GBP6: variants seen among roughly 807,000 people sequenced by gnomAD.
The protein encoded by GBP6 is guanylate binding protein family member 6.
A neutral mutation model predicts 61.5 loss-of-function variants in GBP6; 54 were observed. The observed-to-expected ratio is 0.88, with a 90% CI of 0.71 to 1.10. GBP6 has a LOEUF of 1.10. Ranked by LOEUF, GBP6 falls within the 50% of genes least tolerant of loss-of-function variation. GBP6 has a pLI of 0.00. For synonymous variants in GBP6, 255 were observed against 273.7 expected (o/e 0.93, Z 0.67); for missense variants, 748 against 752.8 (o/e 0.99, Z 0.07).
intron 3 of GBP6, among the ~76,000 whole-genome samples, chr1:89,371,878 C>T (rs1652654224): frequency 6.6e-6 from 1 of 152,190 alleles, no homozygotes; most frequent in South Asian, 2.1e-4. Flanking sequence ...CAAATTGTCC[C>T]TGTTTGCAGA....
intron 1 of GBP6, among the ~76,000 whole-genome samples, chr1:89,366,394 G>T (rs933769258): frequency 1.3e-5 from 2 of 152,132 alleles, no homozygotes; most frequent in Admixed American, 6.5e-5. Context: ...AAGATAGCCT[G>T]TATTCTCTAG....
rs528480686 is a variant in GBP6, at chr1:89,385,611, G to A, written c.*142G>A. ...TACAGTGGTGCAATCTCAGCTCACT[G>A]CAACCTCTGCCTCCTGGGTTCAAGA... On this transcript the variant is annotated 3_prime_UTR_variant, in exon 11 of 11. Transcript: ENST00000370456. 1.4e-6 allele frequency: 1 copy of A among 728,660 alleles called. No individual in the cohort carries two copies. The highest frequency in any genetic ancestry group is 1.8e-5 in the African/African-American group (1 of 54,688). The allele number at this position is 728,660 out of a possible 1,614,324, so 45.1% of individuals were successfully genotyped here.
In GBP6 at chr1:89,385,933, T is replaced by C. The variant is rs1296800078; in HGVS notation, c.*464T>C. 1 of 152,764 alleles carries C rather than the reference T, an allele frequency of 6.5e-6. No individual in the cohort carries two copies. Among genetic ancestry groups the C allele is most frequent in the East Asian group, 1.9e-4 (1 of 5,202 alleles). 9.5% of individuals were successfully genotyped at this position (152,764 alleles called of 1,614,324 possible). ...TCCATACACACTTTGAAAAACTTTG[T>C]TCACTTTTAGGAAATATAATTTTGA... On this transcript the variant is annotated 3_prime_UTR_variant, in exon 11 of 11. Transcript: ENST00000370456.
rs1370040162 is a variant in GBP6, at chr1:89,378,586, C to G, written c.598C>G (p.Leu200Val). The G allele has an allele frequency of 1.9e-6, 3 of 1,613,222 alleles. No homozygotes were observed. Among genetic ancestry groups the G allele is most frequent in the Non-Finnish European group, 2.5e-6 (3 of 1,179,472 alleles). ...NGHPITEDEY[L>V]ENALKLIQGN... ...TCACCCTATCACAGAAGATGAATAC[C>G]TGGAGAATGCCTTGAAGCTGATTCA... Residue 200 changes from leucine (L) to valine (V), a missense_variant, in exon 5 of 11, where the codon CTG (leucine) becomes GTG (valine). Physicochemically the swap from Leu to Val is conservative, Grantham distance 32. Transcript: ENST00000370456.
chr1:89,387,377 G>T lies in GBP6; in HGVS notation c.*1908G>T, dbSNP rs1653171643. 6.6e-6 allele frequency among the ~76,000 whole-genome samples: 1 copy of T among 152,140 alleles called. No homozygotes were observed. The highest frequency in any genetic ancestry group is 6.5e-5 in the Admixed American group (1 of 15,280). On this transcript the variant is annotated 3_prime_UTR_variant, in exon 11 of 11. Transcript: ENST00000370456. Reference sequence around the variant, plus strand: ...CCTCCAGGTTGTAATTATAGTCTTGGCACACATGAACTTATTGCAATATAG... The same window carrying T: ...CCTCCAGGTTGTAATTATAGTCTTGTCACACATGAACTTATTGCAATATAG...
chr1:89,384,176 G>A lies in GBP6; in HGVS notation c.1552G>A (p.Ala518Thr). The A allele has an allele frequency of 1.9e-6, 3 of 1,614,006 alleles. No homozygotes were observed. Among genetic ancestry groups the A allele is most frequent in the Non-Finnish European group, 2.5e-6 (3 of 1,179,908 alleles). ...ACAGGAGCAGCAGCAACAGATGGAGGCTCAAGATAAGAGTCGCAAGGAAAA... is the reference window on the plus strand; with the variant it reads ...ACAGGAGCAGCAGCAACAGATGGAGACTCAAGATAAGAGTCGCAAGGAAAA... Reference protein sequence around the residue: ...KLQEQQQQMEAQDKSRKENIA... With the variant: ...KLQEQQQQMETQDKSRKENIA... The change falls in exon 10 of 11, where the codon GCT (alanine) becomes ACT (threonine). Residue 518 changes from alanine to threonine, a missense_variant. Transcript: ENST00000370456.
chr1:89,368,104 A>G (rs1652514308), intron 1 of GBP6, among the ~76,000 whole-genome samples: 1 of 152,108 alleles, frequency 6.6e-6, no homozygotes, highest in Non-Finnish European at 1.5e-5. Context: ...ATTTTAATCA[A>G]TTGTCCAGGT....
Position 89,369,534 on chromosome 1 carries a change from T to G in GBP6, c.191-12T>G. 6.2e-7 allele frequency: 1 copy of G among 1,612,192 alleles called. No individual in the cohort carries two copies. The highest frequency in any genetic ancestry group is 1.1e-5 in the South Asian group (1 of 90,854). ...GCTGTCCCTGTGCTTAGCTTCCTCCTCTTCCCTGCAGGCTTCCCTCTGGGC... is the reference window on the plus strand; with the variant it reads ...GCTGTCCCTGTGCTTAGCTTCCTCCGCTTCCCTGCAGGCTTCCCTCTGGGC... On this transcript the variant is annotated splice_polypyrimidine_tract_variant and intron_variant, in intron 2 of 10. Transcript: ENST00000370456.
chr1:89,373,457 C>T (rs550681762), intron 3 of GBP6, among the ~76,000 whole-genome samples: 1 of 152,278 alleles, frequency 6.6e-6, no homozygotes, highest in South Asian at 2.1e-4. Context: ...AAATGTGGCA[C>T]ATATACACCA....
chr1:89,368,380 A>G (rs759830520), intron 1 of GBP6, 149 bp from the exon 2 acceptor site: 35 of 560,730 alleles, frequency 6.2e-5, no homozygotes, highest in Non-Finnish European at 1.0e-4. Flanking sequence ...CAGACTTGGG[A>G]GAGTGATAAA....
intron 3 of GBP6, among the ~76,000 whole-genome samples, chr1:89,373,721 G>A (rs1370018070): frequency 6.6e-6 from 1 of 152,016 alleles, no homozygotes; most frequent in East Asian, 1.9e-4. Flanking sequence ...TGTAAATGAT[G>A]AGTTAATGGG....
chr1:89,368,404 A>C (rs1557536248), intron 1 of GBP6, 125 bp from the exon 2 acceptor site: 1 of 609,842 alleles, frequency 1.6e-6, no homozygotes, highest in East Asian at 2.7e-5. Context: ...AGCCTTGTGC[A>C]GTCAGCTAAT....
intron 1 of GBP6, among the ~76,000 whole-genome samples, chr1:89,365,249 G>C (rs577210359): frequency 2.9e-4 from 44 of 152,280 alleles, no homozygotes; most frequent in African/African-American, 1.0e-3. Flanking sequence ...GAAGTTAAAA[G>C]GTCTGTGGTT....
chr1:89,367,368 GT>G (rs1488774080), intron 1 of GBP6, among the ~76,000 whole-genome samples: 1 of 152,102 alleles, frequency 6.6e-6, no homozygotes, highest in Non-Finnish European at 1.5e-5. Context: ...GTCCTAATGG[GT>G]GGGTCTAACA....
At chr1:89,364,915 A>C (rs986144297) in intron 1 of GBP6, among the ~76,000 whole-genome samples, 1 of 151,676 alleles carries the variant, frequency 6.6e-6, no homozygotes. Context: ...CCCCGCATGC[A>C]TTAGGTATTT....
At chr1:89,371,648 T>C (rs1417514385) in intron 3 of GBP6, among the ~76,000 whole-genome samples, 1 of 152,216 alleles carries the variant, frequency 6.6e-6, no homozygotes, top group African/African-American at 2.4e-5. Flanking sequence ...AAATTAGGTA[T>C]TGATGGGACG....
rs553534361 is a variant in GBP6 at position 89,371,851 on chromosome 1, T to A, written c.318+2178T>A. On this transcript the variant is annotated intron_variant, in intron 3 of 10. Coordinates refer to ENST00000370456, the MANE Select transcript of GBP6 (RefSeq NM_198460.3). ...GGAGAAAGAAATAAAGGGTATTCAATTAGGAAAAGAGGAAGTCAAATTGTC... is the reference window on the plus strand; with the variant it reads ...GGAGAAAGAAATAAAGGGTATTCAAATAGGAAAAGAGGAAGTCAAATTGTC... Among the ~76,000 whole-genome samples the A allele has an allele frequency of 2.0e-5, 3 of 152,250 alleles. No homozygotes were observed. The East Asian group carries it at 5.8e-4, about 29-fold the overall frequency.
rs144719738 is a variant in GBP6, at chr1:89,381,980, T to C, written c.1152+6T>C. On this transcript the variant is annotated splice_donor_region_variant and intron_variant, in intron 7 of 10. Transcript: ENST00000370456. ...AATTCCAGAAGAAGTTCATGGTAATTTGCCTTAGTCATTACTGTTCATCAT... is the reference window on the plus strand; with the variant it reads ...AATTCCAGAAGAAGTTCATGGTAATCTGCCTTAGTCATTACTGTTCATCAT... The C allele has an allele frequency of 1.7e-3, 2,695 of 1,600,298 alleles. 14 individuals carry two copies. Among genetic ancestry groups the C allele is most frequent in the Middle Eastern group, 9.0e-3 (54 of 5,998 alleles).
At chr1:89,365,581 T>C (rs1652447072) in intron 1 of GBP6, among the ~76,000 whole-genome samples, 1 of 152,282 alleles carries the variant, frequency 6.6e-6, no homozygotes, top group African/African-American at 2.4e-5. Flanking sequence ...TAGTAACTTA[T>C]AGTTTGTATA....
Sources: gnomAD v4.1 joint callset for allele counts (sites outside exome capture counted in the v4.1 genomes callset) on GRCh38, gnomAD v4.1.1 for gene constraint, MANE v1.5 for transcripts, NCBI Gene and HGNC (gene_info 2026-07-23, HGNC 2026-07-21) for gene names.